Variants in FAM228B observed in about 807,000 individuals in gnomAD.
The protein encoded by FAM228B is family with sequence similarity 228 member B, also known as protein FAM228B.
In FAM228B, 38 loss-of-function variants were observed where a neutral mutation model predicts 42.6. The ratio of observed to expected loss-of-function variants is 0.89; its 90% CI spans 0.69 to 1.17. The LOEUF is 1.17. Ranked by LOEUF, FAM228B falls within the 50% of genes most tolerant of loss-of-function variation. The pLI, the probability that FAM228B is intolerant of heterozygous loss-of-function variation, is 0.00. For missense variants in FAM228B, 344 were observed against 367.3 expected, an observed-to-expected ratio of 0.94 and a Z score of 0.52; for synonymous variants, 109 against 122.3, an observed-to-expected ratio of 0.89 and a Z score of 0.72.
chr2:24,110,125 T>C (rs566027329), intron 3 of FAM228B, among the ~76,000 whole-genome samples: 1 of 152,342 alleles, frequency 6.6e-6, no homozygotes, highest in Admixed American at 6.5e-5. Flanking sequence ...GATCATGTCC[T>C]TTGCAGCAAC....
intron 7 of FAM228B, among the ~76,000 whole-genome samples, chr2:24,149,683 T>C (rs1666980979): frequency 6.6e-6 from 1 of 152,208 alleles, no homozygotes; most frequent in Non-Finnish European, 1.5e-5. Flanking sequence ...TCCACCCACT[T>C]CAGCCTCCCA....
chr2:24,160,320 TG>T, intron 7 of FAM228B, among the ~76,000 whole-genome samples: 1 of 152,274 alleles, frequency 6.6e-6, no homozygotes, highest in East Asian at 1.9e-4. Context: ...TACTGGTATA[TG>T]TTGTGCTTCC....
At chr2:24,122,340 A>AAAT, upstream of FAM228B, 1 of 1,080,200 alleles carries the variant, frequency 9.3e-7, no homozygotes, top group Non-Finnish European at 1.4e-6. Context: ...AAAAAAAAAA[A>AAAT]GTCATGTCTG....
intron 7 of FAM228B, among the ~76,000 whole-genome samples, chr2:24,160,012 A>T (rs1667251298): frequency 6.9e-6 from 1 of 145,046 alleles, no homozygotes. Context: ...TTTTTGAGAC[A>T]GGGTCTCATT....
At chr2:24,140,321 C>T (rs1477793941) in intron 5 of FAM228B, among the ~76,000 whole-genome samples, 8 of 152,054 alleles carry the variant, frequency 5.3e-5, no homozygotes, top group East Asian at 3.9e-4. Context: ...TGATTACAGG[C>T]GTGTGCCATC....
intron 1 of FAM228B, among the ~76,000 whole-genome samples, chr2:24,078,079 A>T (rs574167510): frequency 6.6e-6 from 1 of 152,312 alleles, no homozygotes; most frequent in Non-Finnish European, 1.5e-5. Context: ...TACCCTCCCC[A>T]TACTAGGGCA....
At chr2:24,147,916 CT>C (rs34823316) in intron 7 of FAM228B, among the ~76,000 whole-genome samples, 77,533 of 119,046 alleles carry the variant, frequency 0.65, 24,447 homozygotes, top group Non-Finnish European at 0.74. Context: ...TTTGCCTTGC[CT>C]TTTTTTTTTT....
At chr2:24,120,874 T>C (rs530454786), upstream of FAM228B, among the ~76,000 whole-genome samples, 31 of 111,282 alleles carry the variant, frequency 2.8e-4, no homozygotes, top group African/African-American at 7.5e-4. Flanking sequence ...GATTATCTCT[T>C]TTTTTTTTTT....
At chr2:24,136,153 C>A (rs1666581971) in intron 3 of FAM228B, among the ~76,000 whole-genome samples, 1 of 148,642 alleles carries the variant, frequency 6.7e-6, no homozygotes, top group African/African-American at 2.5e-5. Flanking sequence ...CCTTGGCCTC[C>A]TGGGCTCAAG....
At chr2:24,128,839 A>G (rs1666377543) in intron 2 of FAM228B, among the ~76,000 whole-genome samples, 1 of 151,954 alleles carries the variant, frequency 6.6e-6, no homozygotes, top group Non-Finnish European at 1.5e-5. Flanking sequence ...CCACAGCAGT[A>G]TCTACCGTAG....
intron 2 of FAM228B, among the ~76,000 whole-genome samples, chr2:24,132,142 G>T (rs1258101362): frequency 6.6e-6 from 1 of 152,150 alleles, no homozygotes; most frequent in African/African-American, 2.4e-5. Context: ...TTATTGATTT[G>T]CATATGTGGA....
rs539806193 is a variant in FAM228B at position 24,105,005 on chromosome 2, A to G, written c.-121+9776A>G. On this transcript the variant is annotated intron_variant, in intron 3 of 10. Transcript: ENST00000613899. ...CTGCCAGAGCTGGCCCAGTGGCTCT[A>G]CTTCTACCTGAATTTGTCAAGGGAC... Among the ~76,000 whole-genome samples, 220 of 152,276 alleles carry G rather than the reference A, an allele frequency of 1.4e-3. 3 individuals carry two copies. Among genetic ancestry groups the G allele is most frequent in the Admixed American group, 4.6e-3 (71 of 15,306 alleles).
At chr2:24,109,152 C>T (rs375173933) in intron 3 of FAM228B, among the ~76,000 whole-genome samples, 1 of 66,244 alleles carries the variant, frequency 1.5e-5, no homozygotes, top group African/African-American at 7.9e-5. Context: ...ACAAAGTTGA[C>T]AAAAAAAAAG....
chr2:24,146,902 T>C, intron 6 of FAM228B, 28 bp from the exon 7 acceptor site: 2 of 1,546,316 alleles, frequency 1.3e-6, no homozygotes, highest in Non-Finnish European at 1.8e-6. Context: ...TTTAAGGATG[T>C]TAATTTAGAT....
intron 7 of FAM228B, among the ~76,000 whole-genome samples, chr2:24,154,594 G>A (rs1348889051): frequency 6.6e-6 from 1 of 152,136 alleles, no homozygotes; most frequent in Non-Finnish European, 1.5e-5. Flanking sequence ...AATCATCAAT[G>A]TTTTTCTTTT....
Position 24,077,801 on chromosome 2 carries a change from G to A in FAM228B, c.-290+832G>A. On this transcript the variant is annotated intron_variant, in intron 1 of 10. Transcript: ENST00000613899. This position sits in a 1 kb window ranked among gnomAD's most constrained non-coding sequence, Gnocchi z 5.5. ...AGGAGATCATCAGCCTGGGGAGAGA[G>A]CCTCACCCTGCCCTCCTCATCCTCC... The A allele has an allele frequency of 6.3e-7, 1 of 1,578,426 alleles. No homozygotes were observed. The highest frequency in any genetic ancestry group is 2.2e-5 in the East Asian group (1 of 44,662).
chr2:24,168,042 A>C, intron 10 of FAM228B: 1 of 248,002 alleles, frequency 4.0e-6, no homozygotes, highest in Non-Finnish European at 8.2e-6. Context: ...TCACTTAGGA[A>C]CATAGCCTCT....
chr2:24,114,336 G>A (rs746718860), intron 3 of FAM228B, among the ~76,000 whole-genome samples: 8 of 152,126 alleles, frequency 5.3e-5, no homozygotes, highest in South Asian at 2.1e-4. Context: ...TAGGGTCTCC[G>A]TGGCCATGCA....
In FAM228B at chr2:24,137,778, A is replaced by T. The variant is rs1666626006; in HGVS notation, c.169-131A>T. ...AGTAGAAGTTAAAGCCAAAGAAACG[A>T]TTGAATTAATGAATGTCTCTGTGGG... On this transcript the variant is annotated intron_variant, in intron 3 of 10. Transcript: ENST00000615575. 5 of 620,830 alleles carry T rather than the reference A, an allele frequency of 8.1e-6. No individual in the cohort carries two copies. The South Asian group carries it at 1.1e-4, about 14-fold the overall frequency. 38.5% of individuals were successfully genotyped at this position (620,830 alleles called of 1,614,324 possible). A position where few individuals can be genotyped will look rare whatever the true frequency, so the allele number is the denominator to read the frequency against.
Sources: gnomAD v4.1 joint callset for allele counts (sites outside exome capture counted in the v4.1 genomes callset) on GRCh38, gnomAD v4.1.1 for gene constraint, Gnocchi (gnomAD v3.1) non-coding constraint, MANE v1.5 for transcripts, NCBI Gene and HGNC (gene_info 2026-07-23, HGNC 2026-07-21) for gene names.